ADAM7: variants seen among roughly 807,000 people sequenced by gnomAD.
ADAM7 encodes the protein ADAM metallopeptidase domain 7, also known as disintegrin and metalloproteinase domain-containing protein 7.
Under a neutral mutation model 102.9 loss-of-function variants are expected in ADAM7, and 97 were observed. The observed-to-expected ratio is 0.94, with a 90% CI of 0.80 to 1.12. The LOEUF (loss-of-function observed/expected upper bound fraction) is 1.12, where lower values mean the gene tolerates loss of function less well. Ranked by LOEUF, ADAM7 falls within the 50% of genes most tolerant of loss-of-function variation. The probability of loss-of-function intolerance (pLI) is 0.00; values close to 1 mark genes in which losing one functional copy is unlikely to be tolerated. For missense variants in ADAM7, 991 were observed against 908.7 expected, an observed-to-expected ratio of 1.09 and a Z score of -1.16; for synonymous variants, 334 against 304.4, an observed-to-expected ratio of 1.10 and a Z score of -1.01.
chr8:24,465,597 A>G (rs1402336321), intron 4 of ADAM7, 102 bp from the exon 5 acceptor site: 5 of 624,858 alleles, frequency 8.0e-6, no homozygotes, highest in Non-Finnish European at 1.2e-5. Context: ...CAATTTGTCA[A>G]AATAAAACAT....
intron 10 of ADAM7, among the ~76,000 whole-genome samples, chr8:24,486,013 T>A (rs1820132479): frequency 6.6e-6 from 1 of 152,188 alleles, no homozygotes. Flanking sequence ...ATGACTTACT[T>A]ATTATATAGT....
At chr8:24,499,710 T>C (rs549870797) in intron 17 of ADAM7, among the ~76,000 whole-genome samples, 107 of 152,104 alleles carry the variant, frequency 7.0e-4, no homozygotes, top group African/African-American at 2.2e-3. Context: ...TACAAAATAA[T>C]ATATTAACAC....
intron 11 of ADAM7, 68 bp from the exon 12 acceptor site, chr8:24,489,091 G>T: frequency 4.4e-6 from 6 of 1,376,468 alleles, no homozygotes; most frequent in Non-Finnish European, 5.8e-6. Context: ...TTCATAAAAT[G>T]CTCACAGCCA....
At chr8:24,493,379 T>A in intron 16 of ADAM7, 150 bp downstream of exon 16, 2 of 656,302 alleles carry the variant, frequency 3.0e-6, no homozygotes, top group Non-Finnish European at 4.7e-6. Context: ...AGAGTAGCAA[T>A]AACACTGTAA....
At chr8:24,451,943 C>T (rs1241301221) in intron 3 of ADAM7, among the ~76,000 whole-genome samples, 2 of 151,726 alleles carry the variant, frequency 1.3e-5, no homozygotes, top group African/African-American at 4.8e-5. Flanking sequence ...GTTCAGTTTC[C>T]ATGTAGTTGA....
intron 11 of ADAM7, among the ~76,000 whole-genome samples, chr8:24,487,885 T>C (rs764980425): frequency 6.6e-6 from 1 of 152,092 alleles, no homozygotes; most frequent in African/African-American, 2.4e-5. Context: ...GAACAATTAG[T>C]ACCAATTGCT....
chr8:24,448,796 C>G (rs1351461935), intron 3 of ADAM7, among the ~76,000 whole-genome samples: 1 of 151,976 alleles, frequency 6.6e-6, no homozygotes, highest in Non-Finnish European at 1.5e-5. Flanking sequence ...TCTCCTAATG[C>G]TATCCCTCCC....
chr8:24,489,492 G>T (rs1820264126), intron 12 of ADAM7, among the ~76,000 whole-genome samples, 159 bp downstream of exon 12: 1 of 151,972 alleles, frequency 6.6e-6, no homozygotes. Flanking sequence ...ACAAATTATT[G>T]GTGCAGCCTC....
At chr8:24,449,969 G>T (rs1818717738) in intron 3 of ADAM7, among the ~76,000 whole-genome samples, 1 of 152,090 alleles carries the variant, frequency 6.6e-6, no homozygotes. Flanking sequence ...TAGATATGTG[G>T]CCTTATTTCT....
At chr8:24,445,974 T>G (rs577494311) in intron 2 of ADAM7, among the ~76,000 whole-genome samples, 1 of 152,268 alleles carries the variant, frequency 6.6e-6, no homozygotes, top group East Asian at 1.9e-4. Flanking sequence ...CTCATTACAC[T>G]CCACTATGTG....
chr8:24,459,970 A>AT (rs201780786), intron 3 of ADAM7, among the ~76,000 whole-genome samples: 2,275 of 151,916 alleles, frequency 0.015, 61 homozygotes, highest in African/African-American at 0.052. Flanking sequence ...AAAAGTCTTG[A>AT]TTTTTTTTAT....
At chr8:24,506,231 T>G (rs1820946524) in intron 20 of ADAM7, 1 of 1,226,478 alleles carries the variant, frequency 8.2e-7, no homozygotes, top group Non-Finnish European at 1.1e-6. Flanking sequence ...ACTTAATCAT[T>G]TGTTGGTTCC....
chr8:24,492,900 T>C (rs139045207), intron 15 of ADAM7, 143 bp from the exon 16 acceptor site: 2 of 772,048 alleles, frequency 2.6e-6, no homozygotes, highest in Admixed American at 3.5e-5. Flanking sequence ...CTTTGCTCAG[T>C]GGTTTTCTCT....
chr8:24,465,433 G>C (rs371377425), intron 4 of ADAM7, among the ~76,000 whole-genome samples: 26 of 152,256 alleles, frequency 1.7e-4, no homozygotes, highest in African/African-American at 5.8e-4. Flanking sequence ...TAAAACTACT[G>C]TCGTCATTAA....
chr8:24,445,167 T>C (rs972212394), intron 2 of ADAM7, among the ~76,000 whole-genome samples: 1 of 152,038 alleles, frequency 6.6e-6, no homozygotes, highest in African/African-American at 2.4e-5. Flanking sequence ...CATGTACACA[T>C]ACATGCAGAC....
At position 24,492,236 on chromosome 8, in the gene ADAM7, G is replaced by A. The variant is rs1820384154; in HGVS notation, c.1552+138G>A. The A allele has an allele frequency of 4.4e-5, 38 of 861,708 alleles. No individual in the cohort carries two copies. In the South Asian group the frequency reaches 6.5e-4, roughly 15 times the overall value. 53.4% of individuals were successfully genotyped at this position (861,708 alleles called of 1,614,324 possible). Reference sequence around the variant, plus strand: ...CAAGATATTGCTTAGCATTTCTCTGGATATTACCTGTCATATTAGTTGATC... The same window carrying A: ...CAAGATATTGCTTAGCATTTCTCTGAATATTACCTGTCATATTAGTTGATC... On this transcript the variant is annotated intron_variant, in intron 14 of 21. Transcript: ENST00000175238.
chr8:24,489,238 C>G lies in ADAM7; in HGVS notation c.1171C>G (p.Leu391Val), dbSNP rs1393538642. 1.2e-6 allele frequency: 2 copies of G among 1,613,596 alleles called. No individual in the cohort carries two copies. Among genetic ancestry groups the G allele is most frequent in the South Asian group, 2.2e-5 (2 of 91,046 alleles). Residue 391 changes from leucine (L) to valine (V), a missense_variant, in exon 12 of 22, where the codon CTC (leucine) becomes GTC (valine). Coordinates refer to ENST00000175238, the MANE Select transcript of ADAM7 (RefSeq NM_003817.4). ...YLKDYKPTCMLNIPFPYNFHD... is the reference protein window; with the variant it reads ...YLKDYKPTCMVNIPFPYNFHD... Reference sequence around the variant, plus strand: ...GAAGGATTATAAGCCAACATGCATGCTCAACATTCCATTTCCTTACAATTT... The same window carrying G: ...GAAGGATTATAAGCCAACATGCATGGTCAACATTCCATTTCCTTACAATTT...
chr8:24,466,982 A>C lies in ADAM7; in HGVS notation c.573A>C (p.Lys191Asn). The change falls in exon 6 of 22, where the codon AAA (lysine) becomes AAC (asparagine). Residue 191 changes from lysine to asparagine, a missense_variant. Physicochemically the swap from Lys to Asn is moderately conservative, Grantham distance 94. Transcript: ENST00000175238. ...ATAATGAATCTGAAGAAGACTCCAA[A>C]ATAAAAGTGAGTACTTTATTATTAT... ...PGDNESEEDS[K>N]IKGIHDEKYV... 1 of 1,612,416 alleles carries C rather than the reference A, an allele frequency of 6.2e-7. No individual in the cohort carries two copies. Among genetic ancestry groups the C allele is most frequent in the Non-Finnish European group, 8.5e-7 (1 of 1,178,554 alleles).
At chr8:24,445,305 T>C (rs1818515026) in intron 2 of ADAM7, among the ~76,000 whole-genome samples, 2 of 152,184 alleles carry the variant, frequency 1.3e-5, no homozygotes, top group South Asian at 4.1e-4. Context: ...GTCTTTATGA[T>C]AAAGCTGTAA....
Sources: allele counts gnomAD v4.1 joint callset (sites outside exome capture counted in the v4.1 genomes callset), GRCh38; gene constraint gnomAD v4.1.1; transcripts MANE v1.5; gene names NCBI Gene and HGNC (gene_info 2026-07-23, HGNC 2026-07-21).